The following BRCA1 variants were observed in gnomAD, a reference collection of about 807,000 sequenced individuals.
BRCA1 encodes breast cancer type 1 susceptibility protein.
Under a neutral mutation model 173.7 loss-of-function variants are expected in BRCA1, and 140 were observed. The ratio of observed to expected loss-of-function variants is 0.81; its 90% confidence interval spans 0.70 to 0.93. BRCA1 has a LOEUF of 0.93. BRCA1 is among the 40% of genes least tolerant of loss of function. The probability of loss-of-function intolerance (pLI) is 0.00; values close to 1 mark genes in which losing one functional copy is unlikely to be tolerated. For missense variants in BRCA1, 1,983 were observed against 2,172.5 expected (o/e 0.91, Z 1.73); for synonymous variants, 662 against 756.0 (o/e 0.88, Z 2.04).
At chr17:43,068,555 A>C (rs1350575374) in intron 15 of BRCA1, among the ~76,000 whole-genome samples, 1 of 130,002 alleles carries the variant, frequency 7.7e-6, no homozygotes, top group African/African-American at 2.6e-5. Context: ...CATGTCTTTA[A>C]AAAAAAAAAA....
At chr17:43,118,754 T>A (rs1430930146) in intron 2 of BRCA1, among the ~76,000 whole-genome samples, 2 of 148,750 alleles carry the variant, frequency 1.3e-5, no homozygotes, top group Non-Finnish European at 3.0e-5. Context: ...TTCTTCTGAA[T>A]GTGAACCTTT....
chr17:43,074,218 A>G (rs557137578), intron 14 of BRCA1, 113 bp downstream of exon 14: 1 of 1,059,316 alleles, frequency 9.4e-7, no homozygotes, highest in African/African-American at 1.6e-5. Flanking sequence ...TAAGTATAAC[A>G]AAAGTGTCCA....
intron 1 of BRCA1, among the ~76,000 whole-genome samples, chr17:43,149,840 G>A (rs998475861): frequency 1.3e-5 from 2 of 152,072 alleles, no homozygotes; most frequent in African/African-American, 4.8e-5. Context: ...ACAGCCTGGA[G>A]TGCAGTGGCA....
chr17:43,055,683 G>A (rs2051428858), intron 19 of BRCA1, among the ~76,000 whole-genome samples: 1 of 152,198 alleles, frequency 6.6e-6, no homozygotes, highest in African/African-American at 2.4e-5. Context: ...CTATTTGGGA[G>A]GCTAAGGCAC....
At chr17:43,146,508 C>T (rs2056122946) in intron 1 of BRCA1, among the ~76,000 whole-genome samples, 1 of 151,676 alleles carries the variant, frequency 6.6e-6, no homozygotes, top group South Asian at 2.1e-4. Context: ...CGGGGTTTCA[C>T]TGTATTAGCC....
intron 12 of BRCA1, among the ~76,000 whole-genome samples, chr17:43,078,663 T>TG (rs1567781054): frequency 6.6e-6 from 1 of 152,150 alleles, no homozygotes; most frequent in African/African-American, 2.4e-5. Context: ...CTGGGTAGCC[T>TG]GGGGGGAAAT....
chr17:43,129,615 A>G (rs997920462), upstream of BRCA1, among the ~76,000 whole-genome samples: 6 of 151,788 alleles, frequency 4.0e-5, no homozygotes, highest in African/African-American at 1.4e-4. Context: ...CTGGGACTAC[A>G]GGCACCCGCC....
rs1267669973 is a variant in BRCA1 at position 43,045,223 on chromosome 17, C to T, written c.*455G>A. On this transcript the variant is annotated 3_prime_UTR_variant, in exon 23 of 23. Transcript: ENST00000357654. ...TTTAAGTCACATAATCGATCCCAAG[C>T]ACTCTCCTTCCATTGAAGGGTCTGA... is the stretch of plus-strand genomic sequence containing the variant. 2.2e-5 allele frequency: 12 copies of T among 538,858 alleles called. No homozygotes were observed. Among genetic ancestry groups the T allele is most frequent in the African/African-American group, 1.1e-4 (6 of 54,094 alleles). The allele number at this position is 538,858 out of a possible 1,614,324, so 33.4% of individuals were successfully genotyped here.
rs71160013 is a variant in BRCA1, at chr17:43,121,683, CAAAA to C, written c.80+2330_80+2333del. 1.9e-3 allele frequency among the ~76,000 whole-genome samples: 62 copies of C among 32,890 alleles called. No individual in the cohort carries two copies. In the South Asian group the frequency reaches 0.073, roughly 39 times the overall value. 21.6% of individuals were successfully genotyped at this position (32,890 alleles called of 152,430 possible). A position where few individuals can be genotyped will look rare whatever the true frequency, so the allele number is the denominator to read the frequency against. On this transcript the variant is annotated intron_variant, in intron 2 of 22. Transcript: ENST00000357654. ...GGGCAACAAGAGCCAAAGTCTGTCT[CAAAA>C]AAAAAAAAAAAAAAAAAAAAAGAAA... is the stretch of plus-strand genomic sequence containing the variant.
rs786203671 is a variant in BRCA1, at chr17:43,094,025, T to C, written c.1506A>G (p.Leu502=). The C allele has an allele frequency of 6.2e-7, 1 of 1,614,064 alleles. No individual in the cohort carries two copies. Among genetic ancestry groups the C allele is most frequent in the Admixed American group, 1.7e-5 (1 of 60,016 alleles). Residue 502 remains leucine, a synonymous_variant, in exon 10 of 23, where the codon TTA becomes TTG. Transcript: ENST00000357654. ...CTGATGTAGGTCTCCTTTTACGCTT[T>C]AATTTATTTGTGAGGGGACGCTCTT... ...IIQERPLTNK[L]KRKRRPTSGL...
chr17:43,161,837 C>T (rs563996932), intron 1 of BRCA1: 1 of 152,256 alleles, frequency 6.6e-6, no homozygotes, highest in East Asian at 1.9e-4. Flanking sequence ...TACAGTTCCT[C>T]CACATACATA....
intron 11 of BRCA1, among the ~76,000 whole-genome samples, chr17:43,088,534 G>A (rs531437336): frequency 7.2e-5 from 11 of 152,156 alleles, no homozygotes; most frequent in African/African-American, 2.4e-4. Flanking sequence ...TTCAAGGTTC[G>A]TCCATGGATG....
Position 43,053,207 on chromosome 17 carries a change from C to T in BRCA1, c.5278-2090G>A, listed in dbSNP as rs1358525759. Among the ~76,000 whole-genome samples the T allele has an allele frequency of 2.0e-5, 3 of 152,144 alleles. 1 individual carries two copies. The highest frequency in any genetic ancestry group is 4.1e-4 in the South Asian group (2 of 4,828). ...TCTCACTACCTGTATGAATAAACCG[C>T]ACCCCCAACCTGTTGATAGGACCTG... On this transcript the variant is annotated intron_variant, in intron 19 of 22. Transcript: ENST00000357654.
chr17:43,089,470 G>A (rs2154229615), intron 11 of BRCA1, among the ~76,000 whole-genome samples: 1 of 151,814 alleles, frequency 6.6e-6, no homozygotes, highest in East Asian at 1.9e-4. Context: ...CATATATATG[G>A]TAAAGCTTTT....
chr17:43,091,919 T>C lies in BRCA1; in HGVS notation c.3612A>G (p.Arg1204=), dbSNP rs537737635. ...THTHLAQGYR[R]GAKKLESSEE... ...CTGAGGACTCTAATTTCTTGGCCCC[T>C]CTTCGGTAACCCTGAGCCAAATGTG... Residue 1204 remains arginine, a synonymous_variant, in exon 10 of 23, where the codon AGA becomes AGG. Transcript: ENST00000357654. 1.9e-5 allele frequency: 30 copies of C among 1,614,170 alleles called. No homozygotes were observed. In the South Asian group the frequency reaches 3.1e-4, roughly 17 times the overall value.
chr17:43,100,591 T>G (rs2054359394), intron 6 of BRCA1, among the ~76,000 whole-genome samples: 1 of 97,730 alleles, frequency 1.0e-5, no homozygotes, highest in Non-Finnish European at 1.9e-5. Context: ...ATAACATATA[T>G]ATATTATATA....
chr17:43,108,566 G>A (rs978642073), intron 3 of BRCA1, among the ~76,000 whole-genome samples: 4 of 151,294 alleles, frequency 2.6e-5, no homozygotes, highest in Non-Finnish European at 4.4e-5. Flanking sequence ...TTAGCCAGGC[G>A]TGGTGGGCAC....
upstream of BRCA1, among the ~76,000 whole-genome samples, chr17:43,127,537 A>G (rs532531641): frequency 6.6e-6 from 1 of 152,258 alleles, no homozygotes; most frequent in African/African-American, 2.4e-5. Context: ...CTCTGTGTCT[A>G]GCAAATGTAG....
At chr17:43,095,786 A>G in intron 9 of BRCA1, 60 bp downstream of exon 9, 3 of 1,342,564 alleles carry the variant, frequency 2.2e-6, no homozygotes, top group Non-Finnish European at 3.2e-6. Flanking sequence ...ATCTAATTAC[A>G]GTACTGTATC....
Sources: allele counts gnomAD v4.1 joint callset (sites outside exome capture counted in the v4.1 genomes callset), GRCh38; gene constraint gnomAD v4.1.1; transcripts MANE v1.5; gene names NCBI Gene and HGNC (gene_info 2026-07-23, HGNC 2026-07-21).